Variants in ARHGAP42 observed in about 807,000 individuals in gnomAD.
ARHGAP42 encodes the protein rho GTPase-activating protein 42.
In ARHGAP42, 63 loss-of-function variants were observed where a neutral mutation model predicts 125.0. The ratio of observed to expected loss-of-function variants is 0.50; its 90% CI spans 0.41 to 0.62. The LOEUF is 0.62. ARHGAP42 is among the 20% of genes least tolerant of loss of function. The pLI, the probability that ARHGAP42 is intolerant of heterozygous loss-of-function variation, is 0.00. For missense variants in ARHGAP42, 766 were observed against 1,024.2 expected, an observed-to-expected ratio of 0.75 and a Z score of 3.44; for synonymous variants, 339 against 351.0, an observed-to-expected ratio of 0.97 and a Z score of 0.38.
At chr11:100,986,826 C>T (rs1858690087) in intron 22 of ARHGAP42, among the ~76,000 whole-genome samples, 1 of 150,980 alleles carries the variant, frequency 6.6e-6, no homozygotes, top group Admixed American at 6.6e-5. Context: ...TCATATGTAA[C>T]TCCTAAATTC....
chr11:100,962,386 T>C (rs1406807301), intron 15 of ARHGAP42, 23 bp from the exon 16 acceptor site: 6 of 1,544,310 alleles, frequency 3.9e-6, no homozygotes, highest in South Asian at 1.2e-5. Flanking sequence ...TATTCTAACA[T>C]GTGTTTCCTT....
intron 1 of ARHGAP42, among the ~76,000 whole-genome samples, chr11:100,694,691 C>T (rs1379503777): frequency 6.6e-6 from 1 of 152,186 alleles, no homozygotes; most frequent in Non-Finnish European, 1.5e-5. Flanking sequence ...CAGGCCTCAT[C>T]AACCACAGGC....
At chr11:100,751,150 G>A (rs1862442796) in intron 1 of ARHGAP42, among the ~76,000 whole-genome samples, 1 of 151,862 alleles carries the variant, frequency 6.6e-6, no homozygotes. Context: ...TGTTGGCCAG[G>A]CTAGTCTTGA....
At chr11:100,800,769 G>T (rs1043621025) in intron 3 of ARHGAP42, among the ~76,000 whole-genome samples, 2 of 152,042 alleles carry the variant, frequency 1.3e-5, no homozygotes, top group Non-Finnish European at 2.9e-5. Flanking sequence ...TAAAGAATGT[G>T]CAATGTAATG....
chr11:100,912,296 G>A (rs1183591637), intron 4 of ARHGAP42, among the ~76,000 whole-genome samples: 2 of 151,900 alleles, frequency 1.3e-5, no homozygotes, highest in South Asian at 2.1e-4. Flanking sequence ...CCACCCATCC[G>A]TCTGTGCATC....
intron 12 of ARHGAP42, among the ~76,000 whole-genome samples, chr11:100,959,313 C>T (rs563171104): frequency 1.3e-5 from 2 of 152,088 alleles, no homozygotes; most frequent in South Asian, 4.1e-4. Flanking sequence ...TGTTTAGTGA[C>T]TGACAATGCA....
At chr11:100,901,119 T>A (rs1325582420) in intron 4 of ARHGAP42, among the ~76,000 whole-genome samples, 1 of 152,214 alleles carries the variant, frequency 6.6e-6, no homozygotes, top group African/African-American at 2.4e-5. Context: ...TCCTTTCTAT[T>A]TGTTAGTTTT....
At chr11:100,734,895 G>A (rs1381133070) in intron 1 of ARHGAP42, among the ~76,000 whole-genome samples, 1 of 152,120 alleles carries the variant, frequency 6.6e-6, no homozygotes, top group East Asian at 1.9e-4. Flanking sequence ...TTCATTTAAT[G>A]TGTTAAGTTC....
At chr11:100,866,822 C>G (rs1763195170) in intron 4 of ARHGAP42, among the ~76,000 whole-genome samples, 1 of 152,102 alleles carries the variant, frequency 6.6e-6, no homozygotes, top group African/African-American at 2.4e-5. Flanking sequence ...AACACAGAGC[C>G]AAACCATATC....
chr11:100,794,785 T>G (rs571591680), intron 2 of ARHGAP42, among the ~76,000 whole-genome samples: 2 of 152,324 alleles, frequency 1.3e-5, no homozygotes, highest in African/African-American at 2.4e-5. Context: ...TTTATCAATA[T>G]ATGTGTACAT....
intron 4 of ARHGAP42, among the ~76,000 whole-genome samples, chr11:100,901,944 A>C (rs1158416497): frequency 6.6e-6 from 1 of 152,210 alleles, no homozygotes; most frequent in Non-Finnish European, 1.5e-5. Context: ...AGTCCCAATG[A>C]GATGAACCAG....
intron 3 of ARHGAP42, among the ~76,000 whole-genome samples, chr11:100,831,640 G>T (rs113757548): frequency 6.6e-6 from 1 of 152,150 alleles, no homozygotes; most frequent in Non-Finnish European, 1.5e-5. Flanking sequence ...TGCTGCTCTT[G>T]CTGGGGGTTG....
chr11:100,927,371 G>A (rs1222152545), intron 6 of ARHGAP42, among the ~76,000 whole-genome samples: 1 of 152,018 alleles, frequency 6.6e-6, no homozygotes, highest in African/African-American at 2.4e-5. Context: ...AACTCTGTAG[G>A]ACTAAAGGTT....
Position 100,711,290 on chromosome 11 carries a change from T to C in ARHGAP42, c.154+23458T>C, listed in dbSNP as rs147570053. 2.1e-3 allele frequency among the ~76,000 whole-genome samples: 320 copies of C among 152,346 alleles called. 2 individuals carry two copies. The highest frequency in any genetic ancestry group is 7.5e-3 in the African/African-American group (311 of 41,578). On this transcript the variant is annotated intron_variant, in intron 1 of 23. Transcript: ENST00000298815. ...TTTCATCAGCGTTTCCAACTTTTTC[T>C]TCTTAGTCTCTTATAGGTCCTTTAC...
intron 16 of ARHGAP42, among the ~76,000 whole-genome samples, chr11:100,963,209 CT>C (rs1858005242): frequency 2.0e-5 from 3 of 152,304 alleles, no homozygotes; most frequent in Admixed American, 2.0e-4. Flanking sequence ...CATCAATCCC[CT>C]CTCCCTCATA....
chr11:100,908,494 T>C (rs115739589), intron 4 of ARHGAP42, among the ~76,000 whole-genome samples: 2,124 of 152,254 alleles, frequency 0.014, 52 homozygotes, highest in African/African-American at 0.048. Flanking sequence ...GAACATACAG[T>C]TTTTGGCTGT....
intron 3 of ARHGAP42, among the ~76,000 whole-genome samples, chr11:100,806,393 G>A (rs1304344926): frequency 1.3e-5 from 2 of 152,098 alleles, no homozygotes; most frequent in Non-Finnish European, 2.9e-5. Context: ...CTTTGGTGCT[G>A]TTATATGCTT....
Position 100,989,176 on chromosome 11 carries a change from C to T in ARHGAP42, c.*375C>T. ...GGATTTTGAGATCTGTCCTTTACTGCCTGGCATTCTCTGAGGATCTCTGAA... is the reference window on the plus strand; with the variant it reads ...GGATTTTGAGATCTGTCCTTTACTGTCTGGCATTCTCTGAGGATCTCTGAA... On this transcript the variant is annotated 3_prime_UTR_variant, in exon 24 of 24. Transcript: ENST00000298815. 1 of 398,752 alleles carries T rather than the reference C, an allele frequency of 2.5e-6. No individual in the cohort carries two copies. Among genetic ancestry groups the T allele is most frequent in the Non-Finnish European group, 4.4e-6 (1 of 226,286 alleles). 24.7% of individuals were successfully genotyped at this position (398,752 alleles called of 1,614,324 possible).
chr11:100,779,507 C>T (rs1335997426), intron 2 of ARHGAP42, among the ~76,000 whole-genome samples: 5 of 127,458 alleles, frequency 3.9e-5, no homozygotes, highest in South Asian at 2.5e-4. Flanking sequence ...CATATATACA[C>T]GTATATATAT....
Sources: allele counts gnomAD v4.1 joint callset (sites outside exome capture counted in the v4.1 genomes callset), GRCh38; gene constraint gnomAD v4.1.1; transcripts MANE v1.5; gene names NCBI Gene and HGNC (gene_info 2026-07-23, HGNC 2026-07-21).